The following RYR2 variants were observed in gnomAD, a reference collection of about 807,000 sequenced individuals.
RYR2 encodes ryanodine receptor 2.
Under a neutral mutation model 601.1 loss-of-function variants are expected in RYR2, and 227 were observed. That is an observed-to-expected ratio of 0.38 (90% CI 0.34 to 0.42). The LOEUF is 0.42. Ranked by LOEUF, RYR2 falls within the 10% of genes least tolerant of loss-of-function variation. The pLI is 1.00. For synonymous variants in RYR2, 2,223 were observed against 2,175.1 expected (o/e 1.02, Z -0.61); for missense variants, 4,646 against 6,156.5 (o/e 0.75, Z 8.21).
intron 29 of RYR2, among the ~76,000 whole-genome samples, chr1:237,579,461 G>T (rs1327087431): frequency 6.6e-6 from 1 of 151,806 alleles, no homozygotes; most frequent in African/African-American, 2.4e-5. Flanking sequence ...TCACCATTTG[G>T]TGAGGCTGGT....
intron 10 of RYR2, among the ~76,000 whole-genome samples, chr1:237,401,381 G>C (rs1023007345): frequency 1.3e-5 from 2 of 151,878 alleles, no homozygotes; most frequent in Admixed American, 6.5e-5. Flanking sequence ...CAGACCACTT[G>C]CGGTTCTGAC....
intron 1 of RYR2, among the ~76,000 whole-genome samples, chr1:237,150,310 G>GT (rs991114393): frequency 6.6e-6 from 1 of 152,180 alleles, no homozygotes; most frequent in Admixed American, 6.5e-5. Context: ...TAAGAGGCAT[G>GT]TAAGGAAAGC....
At chr1:237,681,464 T>C (rs1336665741) in intron 62 of RYR2, among the ~76,000 whole-genome samples, 1 of 152,128 alleles carries the variant, frequency 6.6e-6, no homozygotes, top group Non-Finnish European at 1.5e-5. Flanking sequence ...TGGAGTGGAA[T>C]TGTCAGTTCA....
chr1:237,081,984 G>T (rs1665739238), intron 1 of RYR2, among the ~76,000 whole-genome samples: 2 of 152,164 alleles, frequency 1.3e-5, no homozygotes, highest in South Asian at 2.1e-4. Flanking sequence ...ATTTCTTAAT[G>T]GGGAGAAGAA....
At chr1:237,580,811 T>C (rs911503481) in intron 29 of RYR2, among the ~76,000 whole-genome samples, 5 of 152,152 alleles carry the variant, frequency 3.3e-5, no homozygotes, top group African/African-American at 1.2e-4. Flanking sequence ...ACACCAGGGT[T>C]GACTGTGCTC....
At chr1:237,565,203 CTTTCTTTCTTTCTTTCTTTCTTTT>C (rs1671920429) in intron 27 of RYR2, among the ~76,000 whole-genome samples, 1 of 100,166 alleles carries the variant, frequency 1.0e-5, no homozygotes, top group Non-Finnish European at 2.1e-5. Context: ...TTCTTTCTTT[CTTTCTTTCTTTCTTTCTTTCTTTT>C]GTCTTTCTTT....
At chr1:237,085,574 G>A (rs538932226) in intron 1 of RYR2, among the ~76,000 whole-genome samples, 1 of 152,186 alleles carries the variant, frequency 6.6e-6, no homozygotes, top group Admixed American at 6.5e-5. Context: ...GTGTAATTGG[G>A]TGCACGTGTG....
intron 44 of RYR2, 145 bp from the exon 45 acceptor site, chr1:237,638,211 AG>A: frequency 1.1e-6 from 1 of 888,440 alleles, no homozygotes; most frequent in South Asian, 1.8e-5. Flanking sequence ...AGGGAGTTCA[AG>A]TAGATTATCA....
At chr1:237,726,549 A>G (rs1690213536) in intron 75 of RYR2, among the ~76,000 whole-genome samples, 1 of 152,078 alleles carries the variant, frequency 6.6e-6, no homozygotes, top group African/African-American at 2.4e-5. Context: ...TACTGTGTTC[A>G]CAAAGCGTTG....
intron 1 of RYR2, among the ~76,000 whole-genome samples, chr1:237,155,057 G>A (rs78744319): frequency 0.016 from 2,445 of 152,136 alleles, 64 homozygotes; most frequent in African/African-American, 0.057. Flanking sequence ...GCTTTCTTTG[G>A]TGACTGTTGT....
intron 1 of RYR2, among the ~76,000 whole-genome samples, chr1:237,054,922 C>T (rs1009111032): frequency 2.0e-5 from 3 of 152,142 alleles, no homozygotes; most frequent in African/African-American, 7.2e-5. Flanking sequence ...TTCCAGTCTT[C>T]TCTGCCCTGT....
chr1:237,664,907 A>T (rs1684161467), intron 56 of RYR2, among the ~76,000 whole-genome samples: 1 of 152,210 alleles, frequency 6.6e-6, no homozygotes, highest in Non-Finnish European at 1.5e-5. Flanking sequence ...CCCACTCCTC[A>T]CTACAACTGT....
chr1:237,589,603 A>G lies in RYR2; in HGVS notation c.3599-190A>G, dbSNP rs904593458. Reference sequence around the variant, plus strand: ...CCACAGCTAGTAAATTATAATGTCAAGATCAAATCCTGGTTTTCTCACCCT... The same window carrying G: ...CCACAGCTAGTAAATTATAATGTCAGGATCAAATCCTGGTTTTCTCACCCT... On this transcript the variant is annotated intron_variant, in intron 29 of 104. Transcript: ENST00000366574. Among the ~76,000 whole-genome samples the G allele has an allele frequency of 2.6e-5, 4 of 152,330 alleles. No homozygotes were observed. In the East Asian group the frequency reaches 7.7e-4, roughly 29 times the overall value.
chr1:237,832,407 T>A, intron 104 of RYR2, 145 bp from the exon 105 acceptor site: 2 of 476,886 alleles, frequency 4.2e-6, no homozygotes, highest in Non-Finnish European at 7.5e-6. Context: ...GACGTTAAGG[T>A]CTGGTATAGT....
chr1:237,758,441 T>C (rs1693134110), intron 82 of RYR2, among the ~76,000 whole-genome samples: 1 of 152,202 alleles, frequency 6.6e-6, no homozygotes, highest in Non-Finnish European at 1.5e-5. Flanking sequence ...CCAAAAGTTA[T>C]CACACCCCCC....
At chr1:237,164,367 G>A (rs754356335) in intron 1 of RYR2, among the ~76,000 whole-genome samples, 5 of 152,308 alleles carry the variant, frequency 3.3e-5, no homozygotes, top group Admixed American at 6.5e-5. Context: ...TGCTACTGTC[G>A]GCCAGGCTGG....
Position 237,590,626 on chromosome 1 carries a change from T to G in RYR2, c.3808-14T>G, listed in dbSNP as rs539978668. ...GGTGATTGGAATGTGAACTATCGCT[T>G]CTTCGTTTGCTAGGTGACCAGAATA... On this transcript the variant is annotated splice_polypyrimidine_tract_variant and intron_variant, in intron 30 of 104. Transcript: ENST00000366574. 6.7e-7 allele frequency: 1 copy of G among 1,496,362 alleles called. No individual in the cohort carries two copies. Among genetic ancestry groups the G allele is most frequent in the East Asian group, 2.3e-5 (1 of 43,900 alleles). The allele number at this position is 1,496,362 out of a possible 1,614,324, so 92.7% of individuals were successfully genotyped here. A position where few individuals can be genotyped will look rare whatever the true frequency, so the allele number is the denominator to read the frequency against.
chr1:237,118,297 C>T (rs1273423036), intron 1 of RYR2, among the ~76,000 whole-genome samples: 2 of 151,908 alleles, frequency 1.3e-5, no homozygotes. Flanking sequence ...ACTCACCTTA[C>T]AGAAAGTCCT....
chr1:237,655,773 A>G (rs775602087), intron 52 of RYR2, 48 bp from the exon 53 acceptor site: 11 of 1,528,314 alleles, frequency 7.2e-6, no homozygotes, highest in Non-Finnish European at 9.7e-6. Flanking sequence ...CATGCTGACA[A>G]CTTTTGCCAT....
Sources: allele counts gnomAD v4.1 joint callset (sites outside exome capture counted in the v4.1 genomes callset), GRCh38; gene constraint gnomAD v4.1.1; transcripts MANE v1.5; gene names NCBI Gene and HGNC (gene_info 2026-07-23, HGNC 2026-07-21).